CMIP: variants seen among roughly 807,000 people sequenced by gnomAD.
CMIP encodes C-Maf-inducing protein.
A neutral mutation model predicts 97.3 loss-of-function variants in CMIP; 13 were observed. The ratio of observed to expected loss-of-function variants is 0.13; its 90% CI spans 0.09 to 0.21. CMIP has a LOEUF of 0.21. CMIP is among the 10% of genes least tolerant of loss of function. CMIP has a pLI of 1.00. For missense variants in CMIP, 847 were observed against 1,024.9 expected, an observed-to-expected ratio of 0.83 and a Z score of 2.37; for synonymous variants, 538 against 436.3, an observed-to-expected ratio of 1.23 and a Z score of -2.91.
At chr16:81,661,193 G>T (rs145569980) in intron 6 of CMIP, among the ~76,000 whole-genome samples, 10 of 152,368 alleles carry the variant, frequency 6.6e-5, no homozygotes, top group Non-Finnish European at 1.3e-4. Flanking sequence ...CTTCCCGGCT[G>T]TCTTAGGAGA....
intron 1 of CMIP, among the ~76,000 whole-genome samples, chr16:81,508,723 T>C (rs1597487829): frequency 6.6e-6 from 1 of 152,336 alleles, no homozygotes; most frequent in East Asian, 1.9e-4. Context: ...GAGAGGGTGC[T>C]CCGTGAGACA....
At chr16:81,538,481 C>T (rs59978829) in intron 1 of CMIP, among the ~76,000 whole-genome samples, 1 of 152,174 alleles carries the variant, frequency 6.6e-6, no homozygotes, top group Non-Finnish European at 1.5e-5. Context: ...TTGTTTGGGG[C>T]CAGCCTGTGT....
At chr16:81,663,305 A>G (rs989827250) in intron 6 of CMIP, among the ~76,000 whole-genome samples, 2 of 152,104 alleles carry the variant, frequency 1.3e-5, no homozygotes, top group Non-Finnish European at 2.9e-5. Flanking sequence ...GCACTAAAAA[A>G]AAAAACGAGC....
At chr16:81,479,868 C>G (rs9937466) in intron 1 of CMIP, among the ~76,000 whole-genome samples, 15,665 of 152,182 alleles carry the variant, frequency 0.1, 1,288 homozygotes, top group African/African-American at 0.23. Flanking sequence ...AGGCCCTCTA[C>G]AAATGTATGC....
intron 3 of CMIP, among the ~76,000 whole-genome samples, chr16:81,628,251 C>T (rs1403860700): frequency 1.3e-5 from 2 of 152,170 alleles, no homozygotes; most frequent in Non-Finnish European, 2.9e-5. Flanking sequence ...GGAAGAGCCA[C>T]TCCTAGTGTC....
intron 14 of CMIP, among the ~76,000 whole-genome samples, chr16:81,698,464 G>A (rs1001979821): frequency 6.6e-6 from 1 of 152,196 alleles, no homozygotes; most frequent in Non-Finnish European, 1.5e-5. Flanking sequence ...AGAGGTGGCT[G>A]GGCTTCGTCA....
intron 1 of CMIP, among the ~76,000 whole-genome samples, chr16:81,524,982 G>T (rs1390945846): frequency 2.0e-5 from 3 of 151,824 alleles, no homozygotes; most frequent in Non-Finnish European, 4.4e-5. Flanking sequence ...TTTTAGTAGA[G>T]ATGGGGTTAC....
At chr16:81,605,454 T>A (rs2091727112) in intron 1 of CMIP, among the ~76,000 whole-genome samples, 1 of 152,210 alleles carries the variant, frequency 6.6e-6, no homozygotes, top group Non-Finnish European at 1.5e-5. Context: ...CACTGTCTCC[T>A]TTCAAGTCTG....
At chr16:81,705,317 C>T (rs1035313217) in intron 18 of CMIP, among the ~76,000 whole-genome samples, 182 bp from the exon 19 acceptor site, 4 of 152,194 alleles carry the variant, frequency 2.6e-5, no homozygotes, top group African/African-American at 4.8e-5. Context: ...GATTCTAACC[C>T]GGTTCAGAGA....
intron 15 of CMIP, 134 bp from the exon 16 acceptor site, chr16:81,701,526 G>A: frequency 1.2e-5 from 15 of 1,259,646 alleles, no homozygotes; most frequent in Non-Finnish European, 1.7e-5. Context: ...ATTTGCCCAG[G>A]CTTACACAGC....
At chr16:81,571,158 C>T (rs541257031) in intron 1 of CMIP, among the ~76,000 whole-genome samples, 10 of 152,188 alleles carry the variant, frequency 6.6e-5, no homozygotes, top group African/African-American at 2.4e-4. Context: ...AAGCTATTCT[C>T]AAAAATAAAA....
intron 19 of CMIP, among the ~76,000 whole-genome samples, chr16:81,706,451 T>C (rs770926259): frequency 6.6e-4 from 100 of 152,184 alleles, no homozygotes; most frequent in Non-Finnish European, 1.3e-3. Flanking sequence ...TCGGCCAGTT[T>C]GGCTGCAAAT....
chr16:81,514,032 C>A (rs552343288), intron 1 of CMIP, among the ~76,000 whole-genome samples: 1 of 131,168 alleles, frequency 7.6e-6, no homozygotes, highest in South Asian at 2.9e-4. Context: ...AAAAGAAAAA[C>A]AACAAAAACA....
At chr16:81,500,420 C>T (rs1179419443) in intron 1 of CMIP, among the ~76,000 whole-genome samples, 1 of 119,258 alleles carries the variant, frequency 8.4e-6, no homozygotes, top group East Asian at 2.8e-4. Flanking sequence ...CCTCCTCCCT[C>T]CCCTCCCTCC....
At chr16:81,540,771 C>T in intron 1 of CMIP, among the ~76,000 whole-genome samples, 1 of 151,456 alleles carries the variant, frequency 6.6e-6, no homozygotes, top group East Asian at 1.9e-4. Context: ...GCCTCCGCCT[C>T]CCAGGTTCAA....
chr16:81,671,888 C>G, intron 8 of CMIP, 78 bp from the exon 9 acceptor site: 12 of 694,028 alleles, frequency 1.7e-5, no homozygotes, highest in Non-Finnish European at 2.8e-5. Flanking sequence ...CTGAGCAACG[C>G]CCTCCCTTTC....
chr16:81,479,043 G>A (rs901231584), intron 1 of CMIP, among the ~76,000 whole-genome samples: 4 of 152,232 alleles, frequency 2.6e-5, no homozygotes, highest in Non-Finnish European at 4.4e-5. Context: ...AGGCACTCGA[G>A]TGGGAAGTGA....
intron 1 of CMIP, among the ~76,000 whole-genome samples, chr16:81,478,169 C>T (rs1199429691): frequency 6.6e-6 from 1 of 152,148 alleles, no homozygotes; most frequent in Non-Finnish European, 1.5e-5. Context: ...CTTGGGAAGG[C>T]GAAGGCTGGT....
rs1205443837 is a variant in CMIP at position 81,652,529 on chromosome 16, G to T, written c.639+165G>T. Reference sequence around the variant, plus strand: ...CCCACCCAGCCGTGTGTGGGAGTTGGGAGAGGGAGGCTTGCCCCAGCTGCT... The same window carrying T: ...CCCACCCAGCCGTGTGTGGGAGTTGTGAGAGGGAGGCTTGCCCCAGCTGCT... On this transcript the variant is annotated intron_variant, in intron 4 of 20. Transcript: ENST00000537098. This position sits in a 1 kb window ranked among gnomAD's most constrained non-coding sequence, Gnocchi z 5.2. Among the ~76,000 whole-genome samples, 1 of 152,190 alleles carries T rather than the reference G, an allele frequency of 6.6e-6. No individual in the cohort carries two copies. Among genetic ancestry groups the T allele is most frequent in the Non-Finnish European group, 1.5e-5 (1 of 68,038 alleles).
Sources: gnomAD v4.1 joint callset for allele counts (sites outside exome capture counted in the v4.1 genomes callset) on GRCh38, gnomAD v4.1.1 for gene constraint, Gnocchi (gnomAD v3.1) non-coding constraint, MANE v1.5 for transcripts, NCBI Gene and HGNC (gene_info 2026-07-23, HGNC 2026-07-21) for gene names.